The following PDE5A variants were observed in gnomAD, a reference collection of about 807,000 sequenced individuals.
PDE5A encodes the protein phosphodiesterase 5A, also known as cGMP-specific 3',5'-cyclic phosphodiesterase.
A neutral mutation model predicts 110.2 loss-of-function variants in PDE5A; 67 were observed. The ratio of observed to expected loss-of-function variants is 0.61; its 90% confidence interval spans 0.50 to 0.75. The LOEUF is 0.75. PDE5A is among the 30% of genes least tolerant of loss of function. The pLI is 0.00. For synonymous variants in PDE5A, 328 were observed against 351.2 expected (o/e 0.93, Z 0.74); for missense variants, 862 against 1,045.1 (o/e 0.82, Z 2.42).
chr4:119,609,309 A>C (rs1050047332), intron 1 of PDE5A, among the ~76,000 whole-genome samples: 2 of 152,262 alleles, frequency 1.3e-5, no homozygotes, highest in Admixed American at 1.3e-4. Context: ...GATAAGAAGC[A>C]AACTAATATC....
intron 7 of PDE5A, among the ~76,000 whole-genome samples, chr4:119,554,810 C>T (rs1486595999): frequency 6.6e-6 from 1 of 152,052 alleles, no homozygotes; most frequent in Non-Finnish European, 1.5e-5. Context: ...ATAGCATTTA[C>T]ATTGTATTAG....
At chr4:119,601,869 G>C (rs1017212897) in intron 2 of PDE5A, among the ~76,000 whole-genome samples, 3 of 152,132 alleles carry the variant, frequency 2.0e-5, no homozygotes, top group African/African-American at 7.2e-5. Context: ...GGCCTAGCTT[G>C]AATCTATTTG....
At chr4:119,524,834 T>C (rs1054831697) in intron 12 of PDE5A, among the ~76,000 whole-genome samples, 1 of 152,122 alleles carries the variant, frequency 6.6e-6, no homozygotes, top group Non-Finnish European at 1.5e-5. Context: ...CTATATATTA[T>C]AATACATAGC....
chr4:119,576,145 AAT>A (rs200364330), intron 3 of PDE5A, among the ~76,000 whole-genome samples: 144,770 of 149,114 alleles, frequency 0.97, 70,409 homozygotes, highest in South Asian at 1. Context: ...AACTATCCTA[AAT>A]ATATATGCAC....
chr4:119,502,748 A>G, intron 18 of PDE5A, 93 bp from the exon 19 acceptor site: 1 of 770,718 alleles, frequency 1.3e-6, no homozygotes, highest in Non-Finnish European at 2.2e-6. Context: ...GGAGCTGTAT[A>G]TCTCCATTTT....
chr4:119,501,311 A>ATTACT (rs1445617716), intron 19 of PDE5A, 58 bp from the exon 20 acceptor site: 1 of 1,042,750 alleles, frequency 9.6e-7, no homozygotes, highest in Admixed American at 1.8e-5. Flanking sequence ...TTAGTTAGTT[A>ATTACT]TTACTTTATT....
At chr4:119,594,408 C>T (rs1242505371) in intron 3 of PDE5A, among the ~76,000 whole-genome samples, 1 of 152,162 alleles carries the variant, frequency 6.6e-6, no homozygotes, top group Non-Finnish European at 1.5e-5. Flanking sequence ...TCCTTAATAA[C>T]TAAAAGCTGA....
intron 10 of PDE5A, 196 bp from the exon 11 acceptor site, chr4:119,539,215 A>G (rs139356429): frequency 1.4e-4 from 78 of 549,072 alleles, no homozygotes; most frequent in African/African-American, 1.2e-3. Flanking sequence ...GAAAACAAAA[A>G]GTTATACTCC....
chr4:119,505,018 A>G (rs1337372816), intron 17 of PDE5A, among the ~76,000 whole-genome samples: 4 of 152,086 alleles, frequency 2.6e-5, no homozygotes, highest in African/African-American at 7.2e-5. Context: ...ATCAGAAATT[A>G]TAGTAGGTCA....
chr4:119,526,665 T>C (rs908500172), intron 11 of PDE5A, among the ~76,000 whole-genome samples: 1 of 152,146 alleles, frequency 6.6e-6, no homozygotes, highest in Non-Finnish European at 1.5e-5. Context: ...TACTTTGCTT[T>C]TGGGAAGTCA....
chr4:119,507,611 A>G lies in PDE5A; in HGVS notation c.2182T>C (p.Tyr728His), dbSNP rs780094649. Residue 728 changes from tyrosine to histidine, a missense_variant, in exon 16 of 21, where the codon TAC becomes CAC. Coordinates refer to ENST00000354960, the MANE Select transcript of PDE5A (RefSeq NM_001083.4). ...QAILATDLALYIKRRGEFFEL... is the reference protein window; with the variant it reads ...QAILATDLALHIKRRGEFFEL... Reference sequence around the variant, plus strand: ...TTATTTCTTAAAACTTACTTAATGTACAGTGCTAGGTCTGTAGCTAAAATA... The same window carrying G: ...TTATTTCTTAAAACTTACTTAATGTGCAGTGCTAGGTCTGTAGCTAAAATA... 1.2e-5 allele frequency: 18 copies of G among 1,559,544 alleles called. No homozygotes were observed. Among genetic ancestry groups the G allele is most frequent in the Non-Finnish European group, 1.6e-5 (18 of 1,150,560 alleles).
At chr4:119,575,457 A>C (rs1431143599) in intron 3 of PDE5A, among the ~76,000 whole-genome samples, 1 of 152,246 alleles carries the variant, frequency 6.6e-6, no homozygotes, top group Non-Finnish European at 1.5e-5. Flanking sequence ...TTACCCACAA[A>C]GGGAAGCCCC....
intron 3 of PDE5A, among the ~76,000 whole-genome samples, chr4:119,574,798 A>G (rs571055028): frequency 6.6e-6 from 1 of 152,242 alleles, no homozygotes; most frequent in Non-Finnish European, 1.5e-5. Context: ...AGTATCAAAA[A>G]TAAGTAGATT....
chr4:119,569,365 A>AG (rs1728060716), intron 3 of PDE5A, among the ~76,000 whole-genome samples: 1 of 152,170 alleles, frequency 6.6e-6, no homozygotes, highest in Admixed American at 6.5e-5. Context: ...ATAGTATAGG[A>AG]GGGTGACTAT....
intron 3 of PDE5A, among the ~76,000 whole-genome samples, chr4:119,590,256 G>C (rs1728919620): frequency 6.6e-6 from 1 of 152,124 alleles, no homozygotes; most frequent in Admixed American, 6.5e-5. Context: ...CATTAGCACA[G>C]TTTTCACAAG....
chr4:119,623,729 T>C (rs4833621), intron 1 of PDE5A, among the ~76,000 whole-genome samples: 143,605 of 152,250 alleles, frequency 0.94, 67,793 homozygotes, highest in Non-Finnish European at 0.97. Flanking sequence ...TCTTGAGGTG[T>C]TGAGGACATA....
intron 3 of PDE5A, among the ~76,000 whole-genome samples, chr4:119,574,302 C>T (rs570159425): frequency 6.6e-6 from 1 of 150,608 alleles, no homozygotes; most frequent in East Asian, 2.0e-4. Flanking sequence ...CCTGCCTCAG[C>T]CTCCTGAGTA....
rs1453046493 is a variant in PDE5A, at chr4:119,628,673, G to A, written c.-2C>T. ...GAAGCTGGGGCCGGCCCGCTCCATG[G>A]TTGGCACCGCGCGCCTCGGAGGCTC... On this transcript the variant is annotated 5_prime_UTR_variant, in exon 1 of 21. Coordinates refer to ENST00000354960, the MANE Select transcript of PDE5A (RefSeq NM_001083.4). 1 of 1,611,928 alleles carries A rather than the reference G, an allele frequency of 6.2e-7. No individual in the cohort carries two copies. The highest frequency in any genetic ancestry group is 8.5e-7 in the Non-Finnish European group (1 of 1,179,882).
intron 18 of PDE5A, 123 bp from the exon 19 acceptor site, chr4:119,502,778 T>C: frequency 3.1e-6 from 2 of 643,232 alleles, no homozygotes; most frequent in Non-Finnish European, 5.4e-6. Context: ...AAGCAGCAGC[T>C]TGATACCCGA....
Sources: allele counts gnomAD v4.1 joint callset (sites outside exome capture counted in the v4.1 genomes callset), GRCh38; gene constraint gnomAD v4.1.1; transcripts MANE v1.5; gene names NCBI Gene and HGNC (gene_info 2026-07-23, HGNC 2026-07-21).